Variants in MMD2 observed in about 807,000 individuals in gnomAD.
MMD2 encodes the protein monocyte to macrophage differentiation associated 2.
In MMD2, 30 loss-of-function variants were observed where a neutral mutation model predicts 33.5. The ratio of observed to expected loss-of-function variants is 0.90; its 90% CI spans 0.67 to 1.22. The LOEUF (loss-of-function observed/expected upper bound fraction) is 1.22, where lower values mean the gene tolerates loss of function less well. MMD2 is among the 50% of genes most tolerant of loss of function. MMD2 has a pLI of 0.00. For synonymous variants in MMD2, 129 were observed against 123.0 expected, an observed-to-expected ratio of 1.05 and a Z score of -0.32; for missense variants, 364 against 325.4, an observed-to-expected ratio of 1.12 and a Z score of -0.91.
chr7:4,920,126 C>T (rs1276126276), intron 3 of MMD2, 45 bp downstream of exon 3: 11 of 1,541,646 alleles, frequency 7.1e-6, no homozygotes, highest in Non-Finnish European at 9.6e-6. Context: ...GGTCCCCCTG[C>T]CCCGACCCCC....
intron 1 of MMD2, among the ~76,000 whole-genome samples, chr7:4,944,647 A>G (rs1786001088): frequency 6.6e-6 from 1 of 152,012 alleles, no homozygotes; most frequent in Admixed American, 6.5e-5. Context: ...AGCCAAGAAT[A>G]GCAGAGAGAC....
At chr7:4,950,972 C>G (rs956589158) in intron 1 of MMD2, among the ~76,000 whole-genome samples, 1 of 152,090 alleles carries the variant, frequency 6.6e-6, no homozygotes, top group African/African-American at 2.4e-5. Context: ...CTCAGCCTCC[C>G]AAATTGCTGG....
intron 1 of MMD2, among the ~76,000 whole-genome samples, chr7:4,950,079 TTGTG>T (rs60203634): frequency 0.81 from 120,755 of 150,000 alleles, 48,649 homozygotes; most frequent in East Asian, 0.98. Flanking sequence ...TCACCTTCTT[TTGTG>T]TGTGTGTGTG....
intron 1 of MMD2, among the ~76,000 whole-genome samples, chr7:4,933,922 T>A (rs1396203350): frequency 6.7e-6 from 1 of 148,472 alleles, no homozygotes; most frequent in African/African-American, 2.5e-5. Context: ...CATGAGACAC[T>A]GTGCCCGGCC....
At chr7:4,894,486 A>G in the MMD2 span, among the ~76,000 whole-genome samples, 1 of 152,044 alleles carries the variant, frequency 6.6e-6, no homozygotes, top group African/African-American at 2.4e-5. The surrounding 1 kb of genome is among the most constrained non-coding windows in gnomAD (Gnocchi z 4.3). Flanking sequence ...AAGCGATCAC[A>G]GCTCACCCCC....
intron 2 of MMD2, among the ~76,000 whole-genome samples, chr7:4,923,869 G>C (rs756438046): frequency 4.6e-5 from 7 of 152,112 alleles, no homozygotes; most frequent in Non-Finnish European, 1.0e-4. Context: ...CCCAGTGTGG[G>C]CTGGGCACGG....
intron 2 of MMD2, 73 bp downstream of exon 2, chr7:4,925,378 A>T (rs536058408): frequency 2.5e-5 from 31 of 1,217,160 alleles, no homozygotes; most frequent in Non-Finnish European, 2.8e-5. Context: ...TACGTGAAGG[A>T]GGTGACTTCC....
In MMD2 at chr7:4,906,891, G is replaced by A; in HGVS notation, c.*505C>T. On this transcript the variant is annotated 3_prime_UTR_variant, in exon 7 of 7. Coordinates refer to ENST00000401401, the MANE Select transcript of MMD2 (RefSeq NM_198403.4). ...ATCACCCATGTGCTGCACTTGATTGGTGATGTCTGCCATGGTCACAGCCAT... is the reference window on the plus strand; with the variant it reads ...ATCACCCATGTGCTGCACTTGATTGATGATGTCTGCCATGGTCACAGCCAT... 1 of 252,010 alleles carries A rather than the reference G, an allele frequency of 4.0e-6. No homozygotes were observed. Among genetic ancestry groups the A allele is most frequent in the Non-Finnish European group, 7.6e-6 (1 of 131,372 alleles). 15.6% of individuals were successfully genotyped at this position (252,010 alleles called of 1,614,324 possible). A position where few individuals can be genotyped will look rare whatever the true frequency, so the allele number is the denominator to read the frequency against.
chr7:4,939,375 CA>C (rs555094998), intron 1 of MMD2, among the ~76,000 whole-genome samples: 7 of 147,304 alleles, frequency 4.8e-5, no homozygotes, highest in East Asian at 4.0e-4. Context: ...CCTTTCTCTA[CA>C]AAAAAAAAAC....
chr7:4,911,281 G>C (rs1319984304), intron 4 of MMD2, 35 bp from the exon 5 acceptor site: 8 of 1,531,120 alleles, frequency 5.2e-6, no homozygotes, highest in Non-Finnish European at 7.1e-6. Flanking sequence ...TGGCCCTGAG[G>C]GGGGCCCACC....
intron 1 of MMD2, among the ~76,000 whole-genome samples, chr7:4,954,065 C>G (rs1399844279): frequency 6.6e-6 from 1 of 152,054 alleles, no homozygotes; most frequent in Non-Finnish European, 1.5e-5. Context: ...CTCCTGGCCT[C>G]CAGAGATCCT....
intron 4 of MMD2, among the ~76,000 whole-genome samples, chr7:4,911,499 T>G (rs1342870994): frequency 6.6e-6 from 1 of 152,204 alleles, no homozygotes; most frequent in African/African-American, 2.4e-5. Flanking sequence ...AAGTAGCACC[T>G]CATACTGGTG....
the MMD2 span, among the ~76,000 whole-genome samples, chr7:4,892,503 T>C: frequency 2.0e-5 from 3 of 151,134 alleles, no homozygotes; most frequent in Non-Finnish European, 2.9e-5. Flanking sequence ...CAGAAGAATC[T>C]CTTGAACCTG....
chr7:4,925,613 C>T, intron 1 of MMD2, 81 bp from the exon 2 acceptor site: 1 of 1,056,038 alleles, frequency 9.5e-7, no homozygotes, highest in Non-Finnish European at 1.4e-6. Context: ...GAAGACCTTA[C>T]TTCCTACTGG....
chr7:4,938,446 A>G (rs528459303), intron 1 of MMD2, among the ~76,000 whole-genome samples: 29 of 152,184 alleles, frequency 1.9e-4, no homozygotes, highest in Admixed American at 1.7e-3. Flanking sequence ...AGGGGCCTGT[A>G]TGTGCTAACT....
At chr7:4,892,585 TATAAATAAATAAATAAATAA>T in the MMD2 span, among the ~76,000 whole-genome samples, 3 of 143,418 alleles carry the variant, frequency 2.1e-5, no homozygotes, top group African/African-American at 7.9e-5. Flanking sequence ...AAGACTCTGC[TATAAATAAATAAATAAATAA>T]ATAAATAAAT....
chr7:4,946,389 T>C lies in MMD2; in HGVS notation c.47+12582A>G, dbSNP rs1252378439. On this transcript the variant is annotated intron_variant, in intron 1 of 6. Coordinates refer to ENST00000401401, the MANE Select transcript of MMD2 (RefSeq NM_198403.4). This position sits in a 1 kb window ranked among gnomAD's most constrained non-coding sequence, Gnocchi z 5.0. ...TCTGAAAGAAATGAAACCTTGGCTTTATCTAAGATAATAATGAAAATCCAA... is the reference window on the plus strand; with the variant it reads ...TCTGAAAGAAATGAAACCTTGGCTTCATCTAAGATAATAATGAAAATCCAA... 6.6e-6 allele frequency among the ~76,000 whole-genome samples: 1 copy of C among 152,228 alleles called. No homozygotes were observed. Among genetic ancestry groups the C allele is most frequent in the Non-Finnish European group, 1.5e-5 (1 of 68,036 alleles).
chr7:4,898,942 C>G, the MMD2 span, among the ~76,000 whole-genome samples: 3 of 150,144 alleles, frequency 2.0e-5, no homozygotes, highest in East Asian at 1.9e-4. Flanking sequence ...AGGAAGGAAG[C>G]AAGCAAGCAA....
At chr7:4,939,188 C>A (rs112231418) in intron 1 of MMD2, among the ~76,000 whole-genome samples, 3,211 of 144,470 alleles carry the variant, frequency 0.022, 111 homozygotes, top group African/African-American at 0.079. Flanking sequence ...GGTGACAGGG[C>A]GAGACTCCGT....
Sources: allele counts gnomAD v4.1 joint callset (sites outside exome capture counted in the v4.1 genomes callset), GRCh38; gene constraint gnomAD v4.1.1; non-coding constraint Gnocchi (gnomAD v3.1); transcripts MANE v1.5; gene names NCBI Gene and HGNC (gene_info 2026-07-23, HGNC 2026-07-21).